The following AKT3 variants were observed in gnomAD, a reference collection of about 807,000 sequenced individuals.
AKT3 encodes RAC-gamma serine/threonine-protein kinase.
In AKT3, 15 loss-of-function variants were observed where a neutral mutation model predicts 65.3. The ratio of observed to expected loss-of-function variants is 0.23; its 90% CI spans 0.15 to 0.35. AKT3 has a LOEUF of 0.35. AKT3 is among the 10% of genes least tolerant of loss of function. The pLI is 1.00. For synonymous variants in AKT3, 206 were observed against 183.8 expected (o/e 1.12, Z -0.98); for missense variants, 243 against 576.5 (o/e 0.42, Z 5.92).
intron 10 of AKT3, among the ~76,000 whole-genome samples, chr1:243,553,609 T>G (rs1673216951): frequency 1.3e-5 from 2 of 152,084 alleles, no homozygotes; most frequent in East Asian, 1.9e-4. Flanking sequence ...ACAACAAAAA[T>G]TCCTGTTACA....
At chr1:243,592,474 A>G (rs1295019935) in intron 8 of AKT3, among the ~76,000 whole-genome samples, 2 of 152,264 alleles carry the variant, frequency 1.3e-5, no homozygotes, top group Non-Finnish European at 2.9e-5. Flanking sequence ...CGACCACAGA[A>G]AAAAAGACAC....
At chr1:243,805,903 C>G (rs1692694169) in intron 2 of AKT3, among the ~76,000 whole-genome samples, 1 of 152,130 alleles carries the variant, frequency 6.6e-6, no homozygotes, top group Admixed American at 6.6e-5. Context: ...CAATATAAGG[C>G]AAAATTACAA....
intron 12 of AKT3, among the ~76,000 whole-genome samples, chr1:243,526,124 T>C (rs536344626): frequency 6.6e-6 from 1 of 152,066 alleles, no homozygotes; most frequent in South Asian, 2.1e-4. Flanking sequence ...TGTAAGGCTG[T>C]TGTCTCCAAG....
intron 3 of AKT3, among the ~76,000 whole-genome samples, chr1:243,676,577 T>C (rs1411123408): frequency 6.6e-6 from 1 of 152,204 alleles, no homozygotes; most frequent in African/African-American, 2.4e-5. Context: ...ATCCTCAAGA[T>C]ATCCAAAAGG....
intron 4 of AKT3, among the ~76,000 whole-genome samples, chr1:243,658,951 G>C (rs1045696835): frequency 1.3e-5 from 2 of 151,704 alleles, no homozygotes; most frequent in Non-Finnish European, 2.9e-5. Context: ...AGGATCCCTT[G>C]GGCCTGAGTT....
intron 2 of AKT3, among the ~76,000 whole-genome samples, chr1:243,761,303 A>T (rs1689476460): frequency 6.6e-6 from 1 of 152,236 alleles, no homozygotes. Flanking sequence ...GAACTGAAAA[A>T]TACGATGTCC....
intron 6 of AKT3, among the ~76,000 whole-genome samples, chr1:243,621,126 C>G (rs1190470922): frequency 2.6e-5 from 4 of 152,102 alleles, no homozygotes; most frequent in African/African-American, 9.7e-5. Context: ...GGTAGGTATA[C>G]TTAAATGTAC....
chr1:243,843,416 AAC>A, intron 1 of AKT3, 134 bp from the exon 2 acceptor site: 1 of 1,114,720 alleles, frequency 9.0e-7, no homozygotes, highest in South Asian at 4.2e-5. Flanking sequence ...CAAACTGGGG[AAC>A]TTATTTATTA....
intron 2 of AKT3, among the ~76,000 whole-genome samples, chr1:243,703,207 T>C (rs1685576214): frequency 6.6e-6 from 1 of 152,088 alleles, no homozygotes; most frequent in Non-Finnish European, 1.5e-5. Context: ...ATGGATTTCA[T>C]AAATAAATAT....
downstream of AKT3, among the ~76,000 whole-genome samples, chr1:243,496,042 C>T (rs1444267350): frequency 1.3e-5 from 2 of 152,200 alleles, no homozygotes; most frequent in Non-Finnish European, 2.9e-5. Flanking sequence ...AAAGGAAGTG[C>T]CTCATATTAC....
intron 3 of AKT3, among the ~76,000 whole-genome samples, chr1:243,668,909 C>G (rs776547298): frequency 6.6e-6 from 1 of 152,106 alleles, no homozygotes; most frequent in Non-Finnish European, 1.5e-5. Context: ...GTCATAAAAT[C>G]TATTATATCA....
rs1682654044 is a variant in AKT3, at chr1:243,664,768, T to C, written c.284+4A>G. The C allele has an allele frequency of 1.4e-6, 2 of 1,442,256 alleles. No individual in the cohort carries two copies. Among genetic ancestry groups the C allele is most frequent in the African/African-American group, 2.9e-5 (2 of 67,904 alleles). 89.3% of individuals were successfully genotyped at this position (1,442,256 alleles called of 1,614,324 possible). A position where few individuals can be genotyped will look rare whatever the true frequency, so the allele number is the denominator to read the frequency against. On this transcript the variant is annotated splice_donor_region_variant and intron_variant, in intron 4 of 13. Transcript: ENST00000673466. ...CACAAAATGAAAACAAGTGAATTTC[T>C]TACCTTTCCTCTGGAGTATCTACAT...
intron 13 of AKT3, among the ~76,000 whole-genome samples, chr1:243,508,136 A>C (rs1214713604): frequency 6.6e-6 from 1 of 152,236 alleles, no homozygotes; most frequent in Non-Finnish European, 1.5e-5. Context: ...AACTATTCAA[A>C]GCTGCAAGAA....
chr1:243,488,746 T>G (rs1665634539), intron 13 of AKT3, among the ~76,000 whole-genome samples: 1 of 152,154 alleles, frequency 6.6e-6, no homozygotes, highest in African/African-American at 2.4e-5. Context: ...AGCTTCCTTT[T>G]CCTTCTACTT....
In AKT3 at chr1:243,708,896, T is replaced by C. The variant is rs114852834; in HGVS notation, c.47-13180A>G. ...ACAAATCACTCATTTATTAATGAAA[T>C]ATAATGCAAATGACAAATTGGCAAT... On this transcript the variant is annotated intron_variant, in intron 2 of 13. Transcript: ENST00000673466. Among the ~76,000 whole-genome samples the C allele has an allele frequency of 5.1e-3, 783 of 152,098 alleles. 9 individuals are homozygous for C. Among genetic ancestry groups the C allele is most frequent in the African/African-American group, 0.018 (744 of 41,560 alleles).
At chr1:243,515,708 G>A (rs570029556) in intron 12 of AKT3, among the ~76,000 whole-genome samples, 5 of 151,998 alleles carry the variant, frequency 3.3e-5, no homozygotes, top group East Asian at 3.9e-4. Flanking sequence ...ATCTCTTTGC[G>A]GGCCAGGTGT....
chr1:243,775,676 G>A (rs1339910830), intron 2 of AKT3, among the ~76,000 whole-genome samples: 1 of 152,088 alleles, frequency 6.6e-6, no homozygotes, highest in Non-Finnish European at 1.5e-5. Flanking sequence ...TTAACTTAGA[G>A]AAGAAAAAGT....
intron 3 of AKT3, among the ~76,000 whole-genome samples, chr1:243,690,993 C>G (rs192811539): frequency 6.6e-6 from 1 of 152,106 alleles, no homozygotes; most frequent in Non-Finnish European, 1.5e-5. Context: ...ACTTACTGAT[C>G]AGTGAATGAG....
chr1:243,660,658 G>T (rs1165665100), intron 4 of AKT3, among the ~76,000 whole-genome samples: 2 of 152,184 alleles, frequency 1.3e-5, no homozygotes, highest in African/African-American at 4.8e-5. Context: ...CACAAGACAG[G>T]GATGCCCTCT....
Sources: gnomAD v4.1 joint callset for allele counts (sites outside exome capture counted in the v4.1 genomes callset) on GRCh38, gnomAD v4.1.1 for gene constraint, MANE v1.5 for transcripts, NCBI Gene and HGNC (gene_info 2026-07-23, HGNC 2026-07-21) for gene names.